Variants in FOXK1 observed in about 807,000 individuals in gnomAD.
The protein encoded by FOXK1 is forkhead box K1.
FOXK1 carries 19 observed loss-of-function variants against 51.9 expected under a neutral mutation model. The observed-to-expected ratio is 0.37, with a 90% CI of 0.26 to 0.54. The LOEUF is 0.54. Among genes scored for constraint, FOXK1 ranks in the 20% least tolerant of loss-of-function variants. The pLI, the probability that FOXK1 is intolerant of heterozygous loss-of-function variation, is 0.87. For synonymous variants in FOXK1, 537 were observed against 482.6 expected (o/e 1.11, Z -1.48); for missense variants, 870 against 1,032.7 (o/e 0.84, Z 2.16).
intron 1 of FOXK1, among the ~76,000 whole-genome samples, chr7:4,710,741 C>T (rs576574390): frequency 3.9e-5 from 6 of 152,116 alleles, no homozygotes; most frequent in Non-Finnish European, 8.8e-5. Context: ...GGTGGCTCTG[C>T]AGCCCCAGCG....
rs750594387 is a variant in FOXK1 at position 4,763,782 on chromosome 7, G to C, written c.*1318G>C. ...TTGAGCCAGAGCTGTCTAATGCTGA[G>C]CCCAGCTCAGGAAGGAGAGAGGAGT... On this transcript the variant is annotated 3_prime_UTR_variant, in exon 9 of 9. Transcript: ENST00000328914. 6.6e-6 allele frequency: 1 copy of C among 152,306 alleles called. No individual in the cohort carries two copies. The highest frequency in any genetic ancestry group is 2.4e-5 in the African/African-American group (1 of 41,472). The allele number at this position is 152,306 out of a possible 1,614,324, so 9.4% of individuals were successfully genotyped here.
rs537313597 is a variant in FOXK1 at position 4,756,395 on chromosome 7, C to T, written c.1051-599C>T. Among the ~76,000 whole-genome samples, 211 of 151,270 alleles carry T rather than the reference C, an allele frequency of 1.4e-3. 1 individual carries two copies. The highest frequency in any genetic ancestry group is 1.5e-3 in the South Asian group (7 of 4,670). Reference sequence around the variant, plus strand: ...CTTCCCAAAGTGCTGGGATTACAGGCGTGAGCCACTGTGCCCGGCCAAGAC... The same window carrying T: ...CTTCCCAAAGTGCTGGGATTACAGGTGTGAGCCACTGTGCCCGGCCAAGAC... On this transcript the variant is annotated intron_variant, in intron 4 of 8. Transcript: ENST00000328914. This position sits in a 1 kb window ranked among gnomAD's most constrained non-coding sequence, Gnocchi z 4.1.
At chr7:4,736,538 G>C (rs992779027) in intron 1 of FOXK1, among the ~76,000 whole-genome samples, 3 of 151,118 alleles carry the variant, frequency 2.0e-5, no homozygotes, top group Non-Finnish European at 2.9e-5. Flanking sequence ...TCAGCCTCCC[G>C]AGTAGCTGGG....
At chr7:4,705,602 T>A (rs1171019447) in intron 1 of FOXK1, among the ~76,000 whole-genome samples, 1 of 147,696 alleles carries the variant, frequency 6.8e-6, no homozygotes, top group Non-Finnish European at 1.5e-5. Flanking sequence ...ACTGGCGCAA[T>A]GTCTGTTCAC....
chr7:4,721,589 CTTTTTTTTTTTTTTT>C (rs200132324), intron 1 of FOXK1, among the ~76,000 whole-genome samples: 1 of 112,656 alleles, frequency 8.9e-6, no homozygotes, highest in Non-Finnish European at 1.7e-5. Flanking sequence ...TCTTTTTTTT[CTTTTTTTTTTTTTTT>C]TTTTGAGTCA....
Position 4,764,867 on chromosome 7 carries a change from C to G in FOXK1, c.*2403C>G. ...CGCCTTTTGGCCTGGTCTGCTCAGG[C>G]TGGCCCTGACCCACGTGGTTTCCTG... On this transcript the variant is annotated 3_prime_UTR_variant, in exon 9 of 9. Coordinates refer to ENST00000328914, the MANE Select transcript of FOXK1 (RefSeq NM_001037165.2). 1 of 152,342 alleles carries G rather than the reference C, an allele frequency of 6.6e-6. No homozygotes were observed. The highest frequency in any genetic ancestry group is 6.5e-5 in the Admixed American group (1 of 15,280). 9.4% of individuals were successfully genotyped at this position (152,342 alleles called of 1,614,324 possible).
In FOXK1 at chr7:4,765,576, G is replaced by C. The variant is rs1780999665; in HGVS notation, c.*3112G>C. 6.6e-6 allele frequency: 1 copy of C among 152,512 alleles called. No homozygotes were observed. Among genetic ancestry groups the C allele is most frequent in the African/African-American group, 2.4e-5 (1 of 41,480 alleles). The allele number at this position is 152,512 out of a possible 1,614,324, so 9.4% of individuals were successfully genotyped here. Reference sequence around the variant, plus strand: ...CCGTTCTGGGGTCACTGGGGAGGCAGAGGCTGAGGGCCTGTTCTCTGGTCA... The same window carrying C: ...CCGTTCTGGGGTCACTGGGGAGGCACAGGCTGAGGGCCTGTTCTCTGGTCA... On this transcript the variant is annotated 3_prime_UTR_variant, in exon 9 of 9. Coordinates refer to ENST00000328914, the MANE Select transcript of FOXK1 (RefSeq NM_001037165.2).
rs551416624 is a variant in FOXK1, at chr7:4,686,823, T to C, written c.560+3955T>C. On this transcript the variant is annotated intron_variant, in intron 1 of 8. Coordinates refer to ENST00000328914, the MANE Select transcript of FOXK1 (RefSeq NM_001037165.2). Reference sequence around the variant, plus strand: ...GTGTCCTAAAAGGACCATGAGCCTGTCATGGGGGGGAATTCAGACAGCCTT... The same window carrying C: ...GTGTCCTAAAAGGACCATGAGCCTGCCATGGGGGGGAATTCAGACAGCCTT... 2.7e-5 allele frequency among the ~76,000 whole-genome samples: 4 copies of C among 148,074 alleles called. No individual in the cohort carries two copies. In the South Asian group the frequency reaches 6.6e-4, roughly 25 times the overall value.
chr7:4,762,590 C>G lies in FOXK1; in HGVS notation c.*126C>G, dbSNP rs565219980. On this transcript the variant is annotated 3_prime_UTR_variant, in exon 9 of 9. Coordinates refer to ENST00000328914, the MANE Select transcript of FOXK1 (RefSeq NM_001037165.2). The surrounding 1 kb of genome is among the most constrained non-coding windows in gnomAD (Gnocchi z 5.7). ...CGCGGCGGCCTGTGGGCATCGGCGGCACCTGGACACACCCAGCCCTTTCCA... is the reference window on the plus strand; with the variant it reads ...CGCGGCGGCCTGTGGGCATCGGCGGGACCTGGACACACCCAGCCCTTTCCA... The G allele has an allele frequency of 9.7e-6, 8 of 823,174 alleles. No homozygotes were observed. Among genetic ancestry groups the G allele is most frequent in the African/African-American group, 6.9e-5 (4 of 57,910 alleles). 51.0% of individuals were successfully genotyped at this position (823,174 alleles called of 1,614,324 possible).
At chr7:4,714,651 T>A (rs1295165443) in intron 1 of FOXK1, among the ~76,000 whole-genome samples, 1 of 152,244 alleles carries the variant, frequency 6.6e-6, no homozygotes, top group Non-Finnish European at 1.5e-5. Flanking sequence ...GCGTGCTTGC[T>A]TTGCTTTGTT....
intron 1 of FOXK1, among the ~76,000 whole-genome samples, chr7:4,706,235 C>T (rs989468093): frequency 6.6e-6 from 1 of 151,934 alleles, no homozygotes; most frequent in Non-Finnish European, 1.5e-5. Flanking sequence ...TTGGCTGAAA[C>T]CTTGTATTTG....
rs775099211 is a variant in FOXK1, at chr7:4,704,834, C to CTT, written c.560+21980_560+21981dup. Among the ~76,000 whole-genome samples, 302 of 131,404 alleles carry CTT rather than the reference C, an allele frequency of 2.3e-3. 11 individuals are homozygous for CTT. The highest frequency in any genetic ancestry group is 9.0e-3 in the African/African-American group (281 of 31,096). 86.2% of individuals were successfully genotyped at this position (131,404 alleles called of 152,430 possible). On this transcript the variant is annotated intron_variant, in intron 1 of 8. Coordinates refer to ENST00000328914, the MANE Select transcript of FOXK1 (RefSeq NM_001037165.2). ...CTCCCAAACCAATCTATGTTTCATT[C>CTT]TTTTTTTTTTTTTTTGAGAAAAAGT...
intron 3 of FOXK1, 146 bp downstream of exon 3, chr7:4,754,761 G>A (rs1394145504): frequency 3.8e-6 from 4 of 1,042,640 alleles, no homozygotes; most frequent in Non-Finnish European, 5.4e-6. Flanking sequence ...GCAGCTGGCG[G>A]TAGAGCCGTC....
At chr7:4,757,453 C>G (rs190631275) in intron 5 of FOXK1, among the ~76,000 whole-genome samples, 8 of 151,694 alleles carry the variant, frequency 5.3e-5, no homozygotes, top group African/African-American at 1.9e-4. Flanking sequence ...CATGGTGAAA[C>G]CCCTGCCTCT....
At chr7:4,688,896 T>C (rs933607569) in intron 1 of FOXK1, among the ~76,000 whole-genome samples, 1 of 152,082 alleles carries the variant, frequency 6.6e-6, no homozygotes, top group African/African-American at 2.4e-5. Flanking sequence ...GAGGTGAAAA[T>C]GTCTGGGTGT....
chr7:4,698,082 C>T (rs1246897799), intron 1 of FOXK1, among the ~76,000 whole-genome samples: 1 of 152,260 alleles, frequency 6.6e-6, no homozygotes. Flanking sequence ...GCCTTGGCCT[C>T]CCAAAGTGCT....
Position 4,759,403 on chromosome 7 carries a change from A to G in FOXK1, c.1504A>G (p.Ile502Val). The G allele has an allele frequency of 6.2e-7, 1 of 1,601,636 alleles. No homozygotes were observed. The highest frequency in any genetic ancestry group is 8.5e-7 in the Non-Finnish European group (1 of 1,178,628). ...AKPVAYMPAS[I>V]VTSQQPAGHA... is the part of the protein sequence containing the mutation. ...GCCCGTGGCCTACATGCCCGCCTCC[A>G]TCGTAACCTCACAGCAGCCCGCGGG... Residue 502 changes from isoleucine to valine, a missense_variant, in exon 7 of 9, where the codon ATC (isoleucine) becomes GTC (valine). Physicochemically the swap from Ile to Val is conservative, Grantham distance 29 (BLOSUM62 3). Coordinates refer to ENST00000328914, the MANE Select transcript of FOXK1 (RefSeq NM_001037165.2).
chr7:4,712,045 A>AT (rs1780181082), intron 1 of FOXK1, among the ~76,000 whole-genome samples: 1 of 150,078 alleles, frequency 6.7e-6, no homozygotes, highest in African/African-American at 2.5e-5. Context: ...TCAGAGGTGG[A>AT]TCATCTGTGC....
In FOXK1 at chr7:4,741,015, C is replaced by A; in HGVS notation, c.738C>A (p.Gly246=). 2 of 1,520,700 alleles carry A rather than the reference C, an allele frequency of 1.3e-6. No homozygotes were observed. The highest frequency in any genetic ancestry group is 1.8e-6 in the Non-Finnish European group (2 of 1,142,780). The allele number at this position is 1,520,700 out of a possible 1,614,324, so 94.2% of individuals were successfully genotyped here. A position where few individuals can be genotyped will look rare whatever the true frequency, so the allele number is the denominator to read the frequency against. Residue 246 remains glycine (G), a synonymous_variant, in exon 2 of 9, where the codon GGC becomes GGA. Transcript: ENST00000328914. ...SMVSPVPSPT[G]TISVPNSCPA... ...TCAGCCCCGTCCCCTCCCCGACGGG[C>A]ACCATCAGGTGAGTAGCCCCCCAGC...
Sources: allele counts gnomAD v4.1 joint callset (sites outside exome capture counted in the v4.1 genomes callset), GRCh38; gene constraint gnomAD v4.1.1; non-coding constraint Gnocchi (gnomAD v3.1); transcripts MANE v1.5; gene names NCBI Gene and HGNC (gene_info 2026-07-23, HGNC 2026-07-21).